The following GRK7 variants were observed in gnomAD, a reference collection of about 807,000 sequenced individuals.
GRK7 encodes G protein-coupled receptor kinase 7, also known as rhodopsin kinase GRK7.
GRK7 carries 24 observed loss-of-function variants against 34.1 expected under a neutral mutation model. The observed-to-expected ratio is 0.70, with a 90% confidence interval of 0.51 to 0.99. The LOEUF is 0.99. Among genes scored for constraint, GRK7 ranks in the 50% least tolerant of loss-of-function variants. The pLI is 0.00. For synonymous variants in GRK7, 256 were observed against 279.4 expected, an observed-to-expected ratio of 0.92 and a Z score of 0.84; for missense variants, 644 against 707.3, an observed-to-expected ratio of 0.91 and a Z score of 1.02.
intron 4 of GRK7, among the ~76,000 whole-genome samples, chr3:141,794,427 C>T: frequency 6.6e-6 from 1 of 152,136 alleles, no homozygotes. Flanking sequence ...GTATCTCTTG[C>T]TTTAGGGGAA....
In GRK7 at chr3:141,780,666, G is replaced by A. The variant is rs1234067556; in HGVS notation, c.905G>A (p.Cys302Tyr). Residue 302 changes from cysteine (C) to tyrosine (Y), a missense_variant, in exon 4 of 6, where the codon TGT becomes TAT. Physicochemically the swap from Cys to Tyr is radical, Grantham distance 194 (BLOSUM62 -2). Coordinates refer to ENST00000682958, the MANE Select transcript of GRK7 (RefSeq NM_139209.3). ...ATCTTTTACTCGGCCCAGATAGCCTGTGGGATGCTGCACCTCCATGAACTC... is the reference window on the plus strand; with the variant it reads ...ATCTTTTACTCGGCCCAGATAGCCTATGGGATGCTGCACCTCCATGAACTC... ...RVIFYSAQIA[C>Y]GMLHLHELGI... 6.2e-7 allele frequency: 1 copy of A among 1,614,226 alleles called. No individual in the cohort carries two copies. The highest frequency in any genetic ancestry group is 1.7e-5 in the Admixed American group (1 of 60,032).
intron 2 of GRK7, among the ~76,000 whole-genome samples, chr3:141,774,990 G>T (rs1274938984): frequency 1.3e-5 from 2 of 151,808 alleles, no homozygotes; most frequent in African/African-American, 2.4e-5. Flanking sequence ...ACGGGGTTTC[G>T]CCATGTTGCC....
chr3:141,754,575 G>C, the GRK7 span, among the ~76,000 whole-genome samples: 2 of 151,664 alleles, frequency 1.3e-5, no homozygotes, highest in Admixed American at 1.3e-4. Flanking sequence ...TGAATAACTG[G>C]GATTACAGGT....
rs528234496 is a variant in GRK7 at position 141,816,820 on chromosome 3, G to A, written c.1432G>A (p.Val478Ile). 4.3e-6 allele frequency: 7 copies of A among 1,613,582 alleles called. No homozygotes were observed. The Admixed American group carries it at 1.0e-4, about 23-fold the overall frequency. The part of the protein sequence containing the change: ...EPPFVPDPSV[V>I]YAKDIAEIDD... The stretch of plus-strand genomic sequence containing the variant: ...CCCATTTGTGCCAGACCCTTCAGTG[G>A]TTTATGCCAAAGACATCGCTGAAAT... Residue 478 changes from valine (V) to isoleucine (I), a missense_variant, in exon 6 of 6, where the codon GTT becomes ATT. Coordinates refer to ENST00000682958, the MANE Select transcript of GRK7 (RefSeq NM_139209.3).
chr3:141,808,153 G>A (rs13317804), intron 5 of GRK7, among the ~76,000 whole-genome samples: 115,529 of 152,012 alleles, frequency 0.76, 44,197 homozygotes, highest in Middle Eastern at 0.85. Context: ...AGCAGCTTGC[G>A]TTAAAAAAAG....
intron 5 of GRK7, 135 bp downstream of exon 5, chr3:141,808,054 T>C: frequency 1.3e-6 from 1 of 748,464 alleles, no homozygotes; most frequent in Non-Finnish European, 2.0e-6. Context: ...TATTATATGG[T>C]TAAACATTTC....
At chr3:141,812,289 C>A (rs771338078) in intron 5 of GRK7, among the ~76,000 whole-genome samples, 11 of 152,250 alleles carry the variant, frequency 7.2e-5, no homozygotes, top group Non-Finnish European at 1.3e-4. Context: ...ACAAAAGATA[C>A]TGCCTCCAGC....
chr3:141,800,749 A>C (rs1433573590), intron 4 of GRK7, among the ~76,000 whole-genome samples: 2 of 152,230 alleles, frequency 1.3e-5, no homozygotes, highest in African/African-American at 2.4e-5. Flanking sequence ...ACTAATCTAT[A>C]GTAACAGAAA....
intron 2 of GRK7, among the ~76,000 whole-genome samples, 178 bp downstream of exon 2, chr3:141,774,858 T>C (rs904613088): frequency 6.6e-6 from 1 of 151,808 alleles, no homozygotes; most frequent in South Asian, 2.1e-4. Context: ...ACTCTGTCGA[T>C]CTCGGTTCAC....
rs2084576892 is a variant in GRK7 at position 141,765,534 on chromosome 3, A to C, written c.-419A>C. Among the ~76,000 whole-genome samples, 2 of 152,136 alleles carry C rather than the reference A, an allele frequency of 1.3e-5. No homozygotes were observed. Among genetic ancestry groups the C allele is most frequent in the Admixed American group, 1.3e-4 (2 of 15,270 alleles). ...TGACCAGTAGAATGTGGCAGAAGTT[A>C]ACGGTGTATCAGCTCCAGAGCCTGG... On this transcript the variant is annotated 5_prime_UTR_variant, in exon 1 of 6. Coordinates refer to ENST00000682958, the MANE Select transcript of GRK7 (RefSeq NM_139209.3).
chr3:141,782,446 A>G (rs1296319097), intron 4 of GRK7, among the ~76,000 whole-genome samples: 3 of 152,184 alleles, frequency 2.0e-5, no homozygotes, highest in Admixed American at 2.0e-4. Flanking sequence ...TATGCTGTCT[A>G]TGAGGTTCCT....
intron 4 of GRK7, among the ~76,000 whole-genome samples, chr3:141,807,378 G>T (rs987975970): frequency 1.3e-5 from 2 of 152,138 alleles, no homozygotes; most frequent in African/African-American, 4.8e-5. Context: ...GAGCAGCTAC[G>T]GCTTCCCTTT....
Position 141,817,091 on chromosome 3 carries a change from A to G in GRK7, c.*41A>G. On this transcript the variant is annotated 3_prime_UTR_variant, in exon 6 of 6. Coordinates refer to ENST00000682958, the MANE Select transcript of GRK7 (RefSeq NM_139209.3). ...AGACAGGCAGCAGGAGTCTCGGCTG[A>G]CATAATCCTCGAATGTTCCACACGT... is the stretch of plus-strand genomic sequence containing the variant. The G allele has an allele frequency of 6.9e-7, 1 of 1,444,528 alleles. No homozygotes were observed. Among genetic ancestry groups the G allele is most frequent in the Non-Finnish European group, 9.4e-7 (1 of 1,067,270 alleles). The allele number at this position is 1,444,528 out of a possible 1,614,324, so 89.5% of individuals were successfully genotyped here.
At chr3:141,804,660 CAT>C (rs765492301) in intron 4 of GRK7, among the ~76,000 whole-genome samples, 37 of 151,810 alleles carry the variant, frequency 2.4e-4, no homozygotes, top group Middle Eastern at 3.4e-3. Flanking sequence ...TATACACACA[CAT>C]ACACATGCAC....
chr3:141,770,903 T>C (rs1373426286), intron 1 of GRK7, among the ~76,000 whole-genome samples: 5 of 148,202 alleles, frequency 3.4e-5, no homozygotes, highest in African/African-American at 1.3e-4. Context: ...GGTGGGAGGA[T>C]CACTTGAAAC....
intron 4 of GRK7, among the ~76,000 whole-genome samples, chr3:141,783,378 C>T (rs1486348581): frequency 6.6e-6 from 1 of 152,184 alleles, no homozygotes; most frequent in Non-Finnish European, 1.5e-5. Context: ...CATGTGTGCC[C>T]ACGTTGTAGA....
chr3:141,802,970 C>G (rs1181841323), intron 4 of GRK7, among the ~76,000 whole-genome samples: 3 of 152,072 alleles, frequency 2.0e-5, no homozygotes, highest in Non-Finnish European at 4.4e-5. Flanking sequence ...ATAAAATCTT[C>G]CAAGCATAGA....
intron 4 of GRK7, among the ~76,000 whole-genome samples, chr3:141,800,802 AG>A (rs1367911116): frequency 1.3e-5 from 2 of 152,226 alleles, no homozygotes; most frequent in African/African-American, 2.4e-5. Flanking sequence ...CTGACTGGCA[AG>A]GGGCACAAGG....
At chr3:141,765,823 T>C (rs2084578284) in intron 1 of GRK7, among the ~76,000 whole-genome samples, 85 bp downstream of exon 1, 1 of 152,198 alleles carries the variant, frequency 6.6e-6, no homozygotes, top group South Asian at 2.1e-4. Flanking sequence ...AAATGAAACA[T>C]AGGCCAGAGC....
Sources: allele counts gnomAD v4.1 joint callset (sites outside exome capture counted in the v4.1 genomes callset), GRCh38; gene constraint gnomAD v4.1.1; transcripts MANE v1.5; gene names NCBI Gene and HGNC (gene_info 2026-07-23, HGNC 2026-07-21).